SBNO1: variants seen among roughly 807,000 people sequenced by gnomAD.
SBNO1 encodes strawberry notch homolog 1.
In SBNO1, 23 loss-of-function variants were observed where a neutral mutation model predicts 173.6. That is an observed-to-expected ratio of 0.13 (90% CI 0.10 to 0.19). SBNO1 has a LOEUF of 0.19. Among genes scored for constraint, SBNO1 ranks in the 10% least tolerant of loss-of-function variants. The probability of loss-of-function intolerance (pLI) is 1.00; values close to 1 mark genes in which losing one functional copy is unlikely to be tolerated. For synonymous variants in SBNO1, 632 were observed against 571.5 expected (o/e 1.11, Z -1.51); for missense variants, 1,238 against 1,671.2 (o/e 0.74, Z 4.52).
At chr12:123,364,332 T>G in intron 1 of SBNO1, 1 of 984,482 alleles carries the variant, frequency 1.0e-6, no homozygotes, top group African/African-American at 1.8e-5. Context: ...CCCCGGGTTG[T>G]GAGGCGGAAG....
At position 123,347,717 on chromosome 12, in the gene SBNO1, T is replaced by C. The variant is rs1035693480; in HGVS notation, c.237+312A>G. On this transcript the variant is annotated intron_variant, in intron 3 of 31. Coordinates refer to ENST00000602398, the MANE Select transcript of SBNO1 (RefSeq NM_001167856.3). ...CTAATTTTTGTATTTTTAGTAGAGA[T>C]AGAGATGGAGTTTCACCATGTTGGC... Among the ~76,000 whole-genome samples, 8 of 151,770 alleles carry C rather than the reference T, an allele frequency of 5.3e-5. No individual in the cohort carries two copies. The East Asian group carries it at 5.8e-4, about 11-fold the overall frequency.
At chr12:123,343,818 G>A (rs1872812180) in intron 4 of SBNO1, among the ~76,000 whole-genome samples, 3 of 152,168 alleles carry the variant, frequency 2.0e-5, no homozygotes, top group Admixed American at 2.0e-4. Context: ...TTACAGGCAT[G>A]AGCCACCGCG....
In SBNO1 at chr12:123,345,439, A is replaced by G; in HGVS notation, c.369T>C (p.Phe123=). 3.1e-6 allele frequency: 5 copies of G among 1,614,230 alleles called. No individual in the cohort carries two copies. Among genetic ancestry groups the G allele is most frequent in the Non-Finnish European group, 4.2e-6 (5 of 1,180,042 alleles). The change falls in exon 4 of 32, where the codon TTT becomes TTC. Residue 123 remains phenylalanine (F), a synonymous_variant. Coordinates refer to ENST00000602398, the MANE Select transcript of SBNO1 (RefSeq NM_001167856.3). ...TNRQTITLTK[F]IQTTASTRPS... ...GGCGTGTGCTTGCAGTAGTCTGGAT[A>G]AACTTAGTTAAAGTGATGGTTTGCC...
At chr12:123,325,815 T>C (rs1156542269) in intron 14 of SBNO1, among the ~76,000 whole-genome samples, 1 of 152,210 alleles carries the variant, frequency 6.6e-6, no homozygotes, top group Admixed American at 6.5e-5. Flanking sequence ...GTAGTAAGCA[T>C]GAGTGAAGCC....
intron 20 of SBNO1, among the ~76,000 whole-genome samples, chr12:123,318,215 G>T (rs547706136): frequency 6.6e-6 from 1 of 152,130 alleles, no homozygotes; most frequent in African/African-American, 2.4e-5. Flanking sequence ...CGAGGCAGAC[G>T]GATCATTTGA....
intron 24 of SBNO1, among the ~76,000 whole-genome samples, chr12:123,312,643 G>A (rs950809523): frequency 7.9e-5 from 12 of 151,790 alleles, no homozygotes; most frequent in Admixed American, 5.9e-4. Flanking sequence ...ACCTGGTGGC[G>A]GAGGTTGCAC....
rs1001515750 is a variant in SBNO1 at position 123,364,688 on chromosome 12, G to A, written c.-1+13C>T. The A allele has an allele frequency of 1.3e-4, 126 of 981,026 alleles. No homozygotes were observed. Among genetic ancestry groups the A allele is most frequent in the Admixed American group, 1.2e-4 (2 of 16,004 alleles). The allele number at this position is 981,026 out of a possible 1,614,324, so 60.8% of individuals were successfully genotyped here. A position where few individuals can be genotyped will look rare whatever the true frequency, so the allele number is the denominator to read the frequency against. ...GAGTGTGGAAGGAGAAAAGGGCCAA[G>A]GGAAGGACTTACTTTCCCCGCGGGA... On this transcript the variant is annotated intron_variant, in intron 1 of 31. Transcript: ENST00000602398.
At chr12:123,314,160 GTATT>G (rs1185737187) in intron 23 of SBNO1, among the ~76,000 whole-genome samples, 8 of 152,022 alleles carry the variant, frequency 5.3e-5, no homozygotes, top group Non-Finnish European at 8.8e-5. Context: ...ATCTTTATAT[GTATT>G]TATTTATTTT....
chr12:123,342,095 T>C (rs11608297), intron 4 of SBNO1, among the ~76,000 whole-genome samples: 79,634 of 151,502 alleles, frequency 0.53, 25,222 homozygotes, highest in East Asian at 0.71. Flanking sequence ...CTACTAAAAA[T>C]ACAAAATTAG....
At position 123,290,390 on chromosome 12, in the gene SBNO1, C is replaced by CT. The variant is rs2048493615; in HGVS notation, c.*5517dup. 1 of 152,178 alleles carries CT rather than the reference C, an allele frequency of 6.6e-6. No homozygotes were observed. The highest frequency in any genetic ancestry group is 1.5e-5 in the Non-Finnish European group (1 of 68,026). 9.4% of individuals were successfully genotyped at this position (152,178 alleles called of 1,614,324 possible). A position where few individuals can be genotyped will look rare whatever the true frequency, so the allele number is the denominator to read the frequency against. ...GGCCCCAAAGACGCTCACGGCAATC[C>CT]TTGAAAGTTATAAAGGAACATTTTC... On this transcript the variant is annotated 3_prime_UTR_variant, in exon 32 of 32. Transcript: ENST00000602398.
At chr12:123,357,148 T>C (rs1459591887) in intron 1 of SBNO1, among the ~76,000 whole-genome samples, 1 of 152,188 alleles carries the variant, frequency 6.6e-6, no homozygotes, top group Non-Finnish European at 1.5e-5. Context: ...TTCCTTTATC[T>C]AAAAGAATGT....
At chr12:123,340,816 T>A (rs1872473710) in intron 5 of SBNO1, among the ~76,000 whole-genome samples, 172 bp downstream of exon 5, 1 of 152,114 alleles carries the variant, frequency 6.6e-6, no homozygotes, top group South Asian at 2.1e-4. Context: ...ACCACCCTGG[T>A]TAGTATCTAT....
In SBNO1 at chr12:123,364,683, G is replaced by C. The variant is rs1384612496; in HGVS notation, c.-1+18C>G. On this transcript the variant is annotated intron_variant, in intron 1 of 31. Transcript: ENST00000602398. ...AGGGGGAGTGTGGAAGGAGAAAAGG[G>C]CCAAGGGAAGGACTTACTTTCCCCG... The C allele has an allele frequency of 1.0e-6, 1 of 983,700 alleles. No homozygotes were observed. Among genetic ancestry groups the C allele is most frequent in the African/African-American group, 1.8e-5 (1 of 56,914 alleles). 60.9% of individuals were successfully genotyped at this position (983,700 alleles called of 1,614,324 possible).
At chr12:123,328,993 C>A (rs1870883750) in intron 9 of SBNO1, 98 bp from the exon 10 acceptor site, 2 of 656,680 alleles carry the variant, frequency 3.0e-6, no homozygotes, top group Admixed American at 6.4e-5. Flanking sequence ...TCTTGTTAGG[C>A]CCATGACAGG....
At chr12:123,343,537 CTTTTTTT>C (rs58841947) in intron 4 of SBNO1, among the ~76,000 whole-genome samples, 1 of 135,488 alleles carries the variant, frequency 7.4e-6, no homozygotes, top group East Asian at 2.1e-4. Flanking sequence ...CACTTACCAT[CTTTTTTT>C]TTTTTTTTTT....
intron 4 of SBNO1, among the ~76,000 whole-genome samples, chr12:123,343,902 C>T (rs1458219560): frequency 1.3e-5 from 2 of 152,144 alleles, no homozygotes; most frequent in Admixed American, 1.3e-4. Context: ...GATAGTCTTG[C>T]TGTGCAGCCT....
intron 30 of SBNO1, among the ~76,000 whole-genome samples, chr12:123,301,684 T>G (rs78884683): frequency 9.8e-4 from 149 of 152,264 alleles, no homozygotes; most frequent in African/African-American, 3.5e-3. Context: ...TGCTGTGCTA[T>G]TAACTTTGGG....
chr12:123,335,009 T>C (rs1229992873), intron 6 of SBNO1, among the ~76,000 whole-genome samples: 1 of 152,156 alleles, frequency 6.6e-6, no homozygotes, highest in African/African-American at 2.4e-5. Flanking sequence ...GGCAATATAG[T>C]GAGACCCTCA....
At chr12:123,348,674 G>A (rs1284605167) in intron 2 of SBNO1, among the ~76,000 whole-genome samples, 11 of 152,206 alleles carry the variant, frequency 7.2e-5, no homozygotes, top group African/African-American at 2.4e-4. Context: ...GCTGAGGCAG[G>A]AGAATGGCGT....
Sources: gnomAD v4.1 joint callset for allele counts (sites outside exome capture counted in the v4.1 genomes callset) on GRCh38, gnomAD v4.1.1 for gene constraint, MANE v1.5 for transcripts, NCBI Gene and HGNC (gene_info 2026-07-23, HGNC 2026-07-21) for gene names.